MPPED2: variants seen among roughly 807,000 people sequenced by gnomAD.
MPPED2 encodes metallophosphoesterase domain containing 2.
In MPPED2, 5 loss-of-function variants were observed where a neutral mutation model predicts 33.0. The ratio of observed to expected loss-of-function variants is 0.15; its 90% CI spans 0.08 to 0.32. The LOEUF (loss-of-function observed/expected upper bound fraction) is 0.32. Among genes scored for constraint, MPPED2 ranks in the 10% least tolerant of loss-of-function variants. The pLI, the probability that MPPED2 is intolerant of heterozygous loss-of-function variation, is 1.00. For synonymous variants in MPPED2, 136 were observed against 141.9 expected (o/e 0.96, Z 0.29); for missense variants, 275 against 372.1 (o/e 0.74, Z 2.15).
In MPPED2 at chr11:30,422,936, T is replaced by C. The variant is rs540370076; in HGVS notation, c.537-5303A>G. Among the ~76,000 whole-genome samples, 40 of 152,306 alleles carry C rather than the reference T, an allele frequency of 2.6e-4. No homozygotes were observed. In the South Asian group the frequency reaches 7.9e-3, roughly 30 times the overall value. Reference sequence around the variant, plus strand: ...GCTTTCAAAGCACCCTCCCCCTTGCTCTTGAAATTGTAAGCACTTGGCCTC... The same window carrying C: ...GCTTTCAAAGCACCCTCCCCCTTGCCCTTGAAATTGTAAGCACTTGGCCTC... On this transcript the variant is annotated intron_variant, in intron 4 of 6. Transcript: ENST00000358117.
intron 3 of MPPED2, among the ~76,000 whole-genome samples, chr11:30,502,229 A>AC (rs982007283): frequency 7.3e-6 from 1 of 136,898 alleles, no homozygotes; most frequent in African/African-American, 2.5e-5. Context: ...TTTTCAGATG[A>AC]CCCCACATAT....
chr11:30,554,947 A>G (rs1211795374), intron 2 of MPPED2, among the ~76,000 whole-genome samples: 1 of 152,134 alleles, frequency 6.6e-6, no homozygotes, highest in African/African-American at 2.4e-5. Flanking sequence ...CCAGCCCCAA[A>G]TGCAGATAGT....
intron 4 of MPPED2, among the ~76,000 whole-genome samples, chr11:30,421,803 A>G (rs996084403): frequency 6.6e-6 from 1 of 151,902 alleles, no homozygotes; most frequent in East Asian, 1.9e-4. Context: ...ACAGAATCTT[A>G]GTCTGTGTAC....
chr11:30,565,633 A>G (rs1227311188), intron 2 of MPPED2, among the ~76,000 whole-genome samples: 1 of 152,176 alleles, frequency 6.6e-6, no homozygotes, highest in African/African-American at 2.4e-5. Context: ...CCACAGGGAA[A>G]GTTAGAGAGA....
In MPPED2 at chr11:30,495,159, A is replaced by G; in HGVS notation, c.536+137T>C. ...GTGTTGCATTTTGCAGCAGTACAGT[A>G]TGTATTTTGTTGGAAATACAGCAAT... On this transcript the variant is annotated intron_variant, in intron 4 of 6. Coordinates refer to ENST00000358117, the MANE Select transcript of MPPED2 (RefSeq NM_001584.3). 9.1e-6 allele frequency: 6 copies of G among 657,950 alleles called. No homozygotes were observed. The South Asian group carries it at 1.1e-4, about 13-fold the overall frequency. 40.8% of individuals were successfully genotyped at this position (657,950 alleles called of 1,614,324 possible).
rs967641408 is a variant in MPPED2, at chr11:30,411,060, A to G, written c.*408T>C. The stretch of plus-strand genomic sequence containing the variant: ...ACAACAAAACATTGAAAATTAAAAT[A>G]TTTCAAACAATACTCTTAAACAGTT... On this transcript the variant is annotated 3_prime_UTR_variant, in exon 7 of 7. Coordinates refer to ENST00000358117, the MANE Select transcript of MPPED2 (RefSeq NM_001584.3). The G allele has an allele frequency of 1.0e-6, 1 of 986,178 alleles. No homozygotes were observed. Among genetic ancestry groups the G allele is most frequent in the African/African-American group, 1.7e-5 (1 of 57,268 alleles). The allele number at this position is 986,178 out of a possible 1,614,324, so 61.1% of individuals were successfully genotyped here. A position where few individuals can be genotyped will look rare whatever the true frequency, so the allele number is the denominator to read the frequency against.
intron 4 of MPPED2, among the ~76,000 whole-genome samples, chr11:30,433,229 A>G (rs1048227281): frequency 6.6e-6 from 1 of 152,206 alleles, no homozygotes. Flanking sequence ...TTTCCCTCCA[A>G]TTTTAAGGTA....
At chr11:30,451,153 T>G (rs984631578) in intron 4 of MPPED2, among the ~76,000 whole-genome samples, 1 of 152,240 alleles carries the variant, frequency 6.6e-6, no homozygotes, top group African/African-American at 2.4e-5. Flanking sequence ...CTTCTTTCTC[T>G]GTAAAGATGA....
intron 2 of MPPED2, among the ~76,000 whole-genome samples, chr11:30,541,289 T>G (rs1397267227): frequency 6.6e-6 from 1 of 152,234 alleles, no homozygotes; most frequent in Admixed American, 6.5e-5. Context: ...AAAAATATGA[T>G]AATATTATGG....
At chr11:30,446,931 C>T (rs1949838130) in intron 4 of MPPED2, among the ~76,000 whole-genome samples, 1 of 152,162 alleles carries the variant, frequency 6.6e-6, no homozygotes, top group Non-Finnish European at 1.5e-5. Context: ...AATGGTTTTG[C>T]ATTAGCGTTC....
At chr11:30,485,425 A>AATAACACGTGTAACATTTACACGTTACAC (rs1951678810) in intron 4 of MPPED2, among the ~76,000 whole-genome samples, 1 of 138,340 alleles carries the variant, frequency 7.2e-6, no homozygotes, top group African/African-American at 2.8e-5. Flanking sequence ...TAACAAGGTA[A>AATAACACGTGTAACATTTACACGTTACAC]ATAACATGTG....
At chr11:30,393,208 C>T (rs1208499470) in intron 6 of MPPED2, among the ~76,000 whole-genome samples, 1 of 152,110 alleles carries the variant, frequency 6.6e-6, no homozygotes, top group African/African-American at 2.4e-5. Context: ...AGCCCACAGC[C>T]AGTGTCCCAC....
chr11:30,576,821 C>T (rs1041434525), intron 2 of MPPED2, among the ~76,000 whole-genome samples: 6 of 151,790 alleles, frequency 4.0e-5, no homozygotes, highest in Non-Finnish European at 5.9e-5. Context: ...TTAAATTTTG[C>T]TCTGCCAACT....
chr11:30,405,869 G>T (rs1351230837), downstream of MPPED2, among the ~76,000 whole-genome samples: 2 of 152,116 alleles, frequency 1.3e-5, no homozygotes, highest in African/African-American at 4.8e-5. Flanking sequence ...TCCACTGTGA[G>T]ATGGGAATGA....
At chr11:30,493,370 C>T (rs79795167) in intron 4 of MPPED2, among the ~76,000 whole-genome samples, 1 of 72,188 alleles carries the variant, frequency 1.4e-5, no homozygotes, top group Non-Finnish European at 3.0e-5. Flanking sequence ...GACTCCGTCT[C>T]AAAAAAAAAA....
intron 3 of MPPED2, among the ~76,000 whole-genome samples, chr11:30,496,100 CT>C (rs1952237968): frequency 6.6e-6 from 1 of 152,146 alleles, no homozygotes; most frequent in Admixed American, 6.5e-5. Flanking sequence ...TAAGGGCCCC[CT>C]GATTAGAAGG....
intron 2 of MPPED2, among the ~76,000 whole-genome samples, chr11:30,564,981 G>A (rs1488578449): frequency 1.3e-5 from 2 of 152,130 alleles, no homozygotes; most frequent in South Asian, 4.1e-4. Flanking sequence ...AAAAATGTAA[G>A]AGTGAGTTAT....
Position 30,546,340 on chromosome 11 carries a change from G to C in MPPED2, c.129-10165C>G, listed in dbSNP as rs183103682. ...ACATTAAGAGCCATCAAACACACGA[G>C]CTTGTTTTTTTAATGTTGTAGGGGA... On this transcript the variant is annotated intron_variant, in intron 2 of 6. Transcript: ENST00000358117. Among the ~76,000 whole-genome samples, 596 of 152,192 alleles carry C rather than the reference G, an allele frequency of 3.9e-3. 14 individuals are homozygous for C. The highest frequency in any genetic ancestry group is 0.034 in the Admixed American group (516 of 15,286).
At chr11:30,409,697 A>G (rs1590167470), downstream of MPPED2, among the ~76,000 whole-genome samples, 3 of 152,188 alleles carry the variant, frequency 2.0e-5, no homozygotes, top group South Asian at 4.1e-4. Context: ...TGCAGATCCA[A>G]GATTATGCTG....
Sources: gnomAD v4.1 joint callset for allele counts (sites outside exome capture counted in the v4.1 genomes callset) on GRCh38, gnomAD v4.1.1 for gene constraint, MANE v1.5 for transcripts, NCBI Gene and HGNC (gene_info 2026-07-23, HGNC 2026-07-21) for gene names.